SYNE2: variants seen among roughly 807,000 people sequenced by gnomAD.
The protein encoded by SYNE2 is spectrin repeat containing nuclear envelope protein 2, also known as nesprin-2.
In SYNE2, 431 loss-of-function variants were observed where a neutral mutation model predicts 856.3. The ratio of observed to expected loss-of-function variants is 0.50; its 90% CI spans 0.47 to 0.55. The LOEUF is 0.55. Among genes scored for constraint, SYNE2 ranks in the 20% least tolerant of loss-of-function variants. The probability of loss-of-function intolerance (pLI) is 0.00; values close to 1 mark genes in which losing one functional copy is unlikely to be tolerated. For missense variants in SYNE2, 8,129 were observed against 8,023.2 expected, an observed-to-expected ratio of 1.01 and a Z score of -0.50; for synonymous variants, 2,923 against 2,872.3, an observed-to-expected ratio of 1.02 and a Z score of -0.56.
intron 1 of SYNE2, among the ~76,000 whole-genome samples, chr14:63,856,976 C>T (rs1891951107): frequency 6.6e-6 from 1 of 152,092 alleles, no homozygotes; most frequent in Admixed American, 6.6e-5. Context: ...CACCATGTTG[C>T]CTAGGCTGGT....
At chr14:63,958,451 C>T (rs556849378) in intron 8 of SYNE2, among the ~76,000 whole-genome samples, 2 of 152,124 alleles carry the variant, frequency 1.3e-5, no homozygotes, top group Non-Finnish European at 2.9e-5. Context: ...GTTTTTTTCT[C>T]GTGATTATAC....
chr14:63,938,814 C>T (rs1303430756), intron 2 of SYNE2, among the ~76,000 whole-genome samples: 3 of 151,994 alleles, frequency 2.0e-5, no homozygotes, highest in East Asian at 1.9e-4. Context: ...TTTCATCATC[C>T]GTGGAAGCAC....
intron 102 of SYNE2, 169 bp from the exon 103 acceptor site, chr14:64,209,773 A>G: frequency 1.8e-6 from 2 of 1,140,318 alleles, no homozygotes; most frequent in East Asian, 2.5e-5. Context: ...TATGTAATGA[A>G]CTTGAAAGCC....
At chr14:63,961,432 A>T in intron 8 of SYNE2, 93 bp from the exon 9 acceptor site, 1 of 1,050,576 alleles carries the variant, frequency 9.5e-7, no homozygotes, top group Admixed American at 2.0e-5. Flanking sequence ...AGAGCCTGTG[A>T]ACCAAATGGC....
chr14:63,933,272 C>G (rs1265949680), intron 2 of SYNE2, among the ~76,000 whole-genome samples: 1 of 152,106 alleles, frequency 6.6e-6, no homozygotes, highest in Admixed American at 6.6e-5. Context: ...CTCTTACTAC[C>G]AGGGAGGACT....
chr14:64,106,310 A>G (rs564991437), intron 64 of SYNE2, among the ~76,000 whole-genome samples: 39 of 152,038 alleles, frequency 2.6e-4, no homozygotes, highest in Admixed American at 2.2e-3. Flanking sequence ...CTGTTTTTCT[A>G]TGTAGGGGTT....
At chr14:63,839,156 A>G (rs12436656) in intron 1 of SYNE2, among the ~76,000 whole-genome samples, 88,058 of 151,708 alleles carry the variant, frequency 0.58, 26,100 homozygotes, top group South Asian at 0.69. Context: ...CAGCCTCCCG[A>G]GTAGCTGGGA....
chr14:63,851,473 G>A (rs573276169), upstream of SYNE2, among the ~76,000 whole-genome samples: 27 of 152,332 alleles, frequency 1.8e-4, no homozygotes, highest in South Asian at 5.2e-3. Context: ...GGTAGTCTGA[G>A]AAGTGATACC....
intron 1 of SYNE2, among the ~76,000 whole-genome samples, chr14:63,832,061 G>A: frequency 6.6e-6 from 1 of 152,006 alleles, no homozygotes; most frequent in East Asian, 1.9e-4. Context: ...TGGCAAAGAG[G>A]TTTATTGATA....
chr14:63,968,002 A>C (rs1215986656), intron 11 of SYNE2, among the ~76,000 whole-genome samples, 156 bp downstream of exon 11: 1 of 152,190 alleles, frequency 6.6e-6, no homozygotes, highest in Non-Finnish European at 1.5e-5. Context: ...GTCTCTACTA[A>C]AAATACAGAA....
intron 57 of SYNE2, among the ~76,000 whole-genome samples, chr14:64,085,604 A>G (rs950197057): frequency 2.6e-5 from 4 of 152,282 alleles, no homozygotes; most frequent in African/African-American, 9.6e-5. Flanking sequence ...ATTGTTTTCC[A>G]AAATGGCTGT....
chr14:63,892,074 A>G lies in SYNE2; in HGVS notation c.-51-17024A>G, dbSNP rs577963618. ...TAAGTGTTTGCTGCCAAACATTTCA[A>G]ATTTAGAGATATTTCTTTTAAATAT... On this transcript the variant is annotated intron_variant, in intron 1 of 115. Coordinates refer to ENST00000555002, the MANE Select transcript of SYNE2 (RefSeq NM_182914.3). 3.3e-5 allele frequency among the ~76,000 whole-genome samples: 5 copies of G among 152,290 alleles called. No individual in the cohort carries two copies. In the South Asian group the frequency reaches 1.0e-3, roughly 32 times the overall value.
intron 63 of SYNE2, chr14:64,099,616 G>A (rs2097704763): frequency 6.6e-6 from 1 of 152,082 alleles, no homozygotes. Flanking sequence ...AGGGACCAGG[G>A]GCCAAAAAGA....
rs149079235 is a variant in SYNE2, at chr14:64,018,302, C to T, written c.5049+546C>T. Among the ~76,000 whole-genome samples, 1,381 of 152,216 alleles carry T rather than the reference C, an allele frequency of 9.1e-3. 18 individuals carry two copies. The highest frequency in any genetic ancestry group is 0.031 in the African/African-American group (1,277 of 41,534). The stretch of plus-strand genomic sequence containing the variant: ...TCACCCAGGCTGGAGTGCAGTGGCA[C>T]GATCTCGGCTCACTGCAACCTCCGC... On this transcript the variant is annotated intron_variant, in intron 34 of 115. Coordinates refer to ENST00000555002, the MANE Select transcript of SYNE2 (RefSeq NM_182914.3).
At chr14:63,777,342 G>A (rs149045803) in intron 1 of SYNE2, among the ~76,000 whole-genome samples, 61 of 152,304 alleles carry the variant, frequency 4.0e-4, no homozygotes, top group African/African-American at 1.3e-3. Context: ...ATGTCCAAAT[G>A]TGGTTAATAT....
intron 1 of SYNE2, among the ~76,000 whole-genome samples, chr14:63,828,327 A>T (rs1363256042): frequency 1.3e-5 from 2 of 152,178 alleles, no homozygotes; most frequent in Middle Eastern, 3.2e-3. Context: ...TATTGTAAGT[A>T]ATCTAGAGAT....
rs1024313119 is a variant in SYNE2, at chr14:64,017,682, G to A, written c.4975G>A (p.Asp1659Asn). 2.5e-6 allele frequency: 4 copies of A among 1,613,690 alleles called. No homozygotes were observed. ...DKLFNLKNVIDEWTEKALQKM... is the reference protein window; with the variant it reads ...DKLFNLKNVINEWTEKALQKM... The stretch of plus-strand genomic sequence containing the variant: ...ACTTTTTAACTTAAAAAATGTCATT[G>A]ATGAGTGGACAGAAAAGGCCCTTCA... The change falls in exon 34 of 116, where the codon GAT (aspartate) becomes AAT (asparagine). Residue 1659 changes from aspartate to asparagine, a missense_variant. Transcript: ENST00000555002.
Position 64,175,079 on chromosome 14 carries a change from T to C in SYNE2, c.17371T>C (p.Trp5791Arg). 1 of 1,614,172 alleles carries C rather than the reference T, an allele frequency of 6.2e-7. No individual in the cohort carries two copies. Among genetic ancestry groups the C allele is most frequent in the Non-Finnish European group, 8.5e-7 (1 of 1,180,028 alleles). The change falls in exon 95 of 116, where the codon TGG (tryptophan) becomes CGG (arginine). Residue 5791 changes from tryptophan (W) to arginine (R), a missense_variant. Coordinates refer to ENST00000555002, the MANE Select transcript of SYNE2 (RefSeq NM_182914.3). ...GRRISQLQDS[W>R]KDMEPQLAEM... ...GAGAATCAGTCAACTTCAGGACAGC[T>C]GGAAAGACATGGAGCCCCAGCTGGC... is the stretch of plus-strand genomic sequence containing the variant.
chr14:63,907,029 C>T (rs2095417012), intron 1 of SYNE2, among the ~76,000 whole-genome samples: 1 of 152,184 alleles, frequency 6.6e-6, no homozygotes, highest in Non-Finnish European at 1.5e-5. Flanking sequence ...AATACCGTGA[C>T]ATTGGGGATT....
Sources: gnomAD v4.1 joint callset for allele counts (sites outside exome capture counted in the v4.1 genomes callset) on GRCh38, gnomAD v4.1.1 for gene constraint, MANE v1.5 for transcripts, NCBI Gene and HGNC (gene_info 2026-07-23, HGNC 2026-07-21) for gene names.